TNXB: variants seen among roughly 807,000 people sequenced by gnomAD.
TNXB encodes the protein tenascin-X.
In TNXB, 183 loss-of-function variants were observed where a neutral mutation model predicts 340.5. The ratio of observed to expected loss-of-function variants is 0.54; its 90% CI spans 0.48 to 0.61. The LOEUF is 0.61. Ranked by LOEUF, TNXB falls within the 20% of genes least tolerant of loss-of-function variation. The pLI is 0.00. For synonymous variants in TNXB, 2,121 were observed against 2,314.5 expected, an observed-to-expected ratio of 0.92 and a Z score of 2.40; for missense variants, 4,613 against 5,446.4, an observed-to-expected ratio of 0.85 and a Z score of 4.82.
rs1299121253 is a variant in TNXB, at chr6:32,042,315, C to A, written c.12258G>T (p.Trp4086Cys). 6.6e-7 allele frequency: 1 copy of A among 1,509,636 alleles called. No individual in the cohort carries two copies. Among genetic ancestry groups the A allele is most frequent in the Non-Finnish European group, 9.1e-7 (1 of 1,096,034 alleles). 93.5% of individuals were successfully genotyped at this position (1,509,636 alleles called of 1,614,324 possible). A position where few individuals can be genotyped will look rare whatever the true frequency, so the allele number is the denominator to read the frequency against. Residue 4086 changes from tryptophan to cysteine, a missense_variant, in exon 41 of 44, where the codon TGG (tryptophan) becomes TGT (cysteine). Around this residue, in one of 7 missense-constraint regions of TNXB, gnomAD observed 121 missense variants for 177.4 expected, o/e 0.68. Transcript: ENST00000644971. The part of the protein sequence containing the change: ...MDGQTDFWRD[W>C]EDYAHGFGNI... ...TCCCAAAACCATGGGCATAGTCCTC[C>A]CAGTCCCTCCAGAAGTCTGTCTGTC... is the stretch of plus-strand genomic sequence containing the variant.
In TNXB at chr6:32,079,500, G is replaced by C. The variant is rs2269427; in HGVS notation, c.4043-135C>G. 7.8e-4 allele frequency: 592 copies of C among 759,984 alleles called. 7 individuals are homozygous for C. In the East Asian group the frequency reaches 0.015, roughly 20 times the overall value. 47.1% of individuals were successfully genotyped at this position (759,984 alleles called of 1,614,324 possible). ...TGTATTTGCCATTCGGTCACTCACG[G>C]ATGGAGAAGGCTGAGACAGCCCTTG... On this transcript the variant is annotated intron_variant, in intron 10 of 43. Coordinates refer to ENST00000644971, the MANE Select transcript of TNXB (RefSeq NM_001365276.2). This position sits in a 1 kb window ranked among gnomAD's most constrained non-coding sequence, Gnocchi z 7.1.
Position 32,087,824 on chromosome 6 carries a change from G to A in TNXB, c.2779+961C>T. ...GCCGTCAGGTTGCCCCAAGGCCGCC[G>A]TGGGGGCTGGGACAGGCTTGGCCTG... On this transcript the variant is annotated intron_variant, in intron 6 of 43. Coordinates refer to ENST00000644971, the MANE Select transcript of TNXB (RefSeq NM_001365276.2). This position sits in a 1 kb window ranked among gnomAD's most constrained non-coding sequence, Gnocchi z 9.0. 2.0e-6 allele frequency: 1 copy of A among 506,876 alleles called. No individual in the cohort carries two copies. The highest frequency in any genetic ancestry group is 3.9e-6 in the Non-Finnish European group (1 of 255,224). The allele number at this position is 506,876 out of a possible 1,614,324, so 31.4% of individuals were successfully genotyped here.
chr6:32,044,085 T>C lies in TNXB; in HGVS notation c.11308A>G (p.Thr3770Ala). Residue 3770 changes from threonine (T) to alanine (A), a missense_variant, in exon 34 of 44, where the codon ACC becomes GCC. Thr to Ala is a moderately conservative substitution (Grantham distance 58). Transcript: ENST00000644971. ...GGCATCCAGTTGACCTTGGCTGAGG[T>C]CTCCCTGATTTCACTGAATTGGAGG... is the stretch of plus-strand genomic sequence containing the variant. ...RDLQFSEIRE[T>A]SAKVNWMPPP... 1 of 1,482,710 alleles carries C rather than the reference T, an allele frequency of 6.7e-7. No homozygotes were observed. The highest frequency in any genetic ancestry group is 9.2e-7 in the Non-Finnish European group (1 of 1,089,394). 91.8% of individuals were successfully genotyped at this position (1,482,710 alleles called of 1,614,324 possible). A position where few individuals can be genotyped will look rare whatever the true frequency, so the allele number is the denominator to read the frequency against.
Position 32,097,787 on chromosome 6 carries a change from C to G in TNXB, c.403+9G>C. 6.7e-7 allele frequency: 1 copy of G among 1,500,860 alleles called. No individual in the cohort carries two copies. Among genetic ancestry groups the G allele is most frequent in the Non-Finnish European group, 8.9e-7 (1 of 1,124,200 alleles). 93.0% of individuals were successfully genotyped at this position (1,500,860 alleles called of 1,614,324 possible). ...ACCTCTCCACCCTCTTCTGTGATCA[C>G]CTGCTCACCTGTGCCAGCTTGGGCA... On this transcript the variant is annotated intron_variant, in intron 2 of 43. Transcript: ENST00000644971. The surrounding 1 kb of genome is among the most constrained non-coding windows in gnomAD (Gnocchi z 5.9).
intron 1 of TNXB, among the ~76,000 whole-genome samples, chr6:32,104,098 C>G (rs1454507607): frequency 2.0e-5 from 3 of 152,108 alleles, no homozygotes; most frequent in Non-Finnish European, 4.4e-5. Flanking sequence ...TGAGGCTCTG[C>G]AACACTTGAG....
At chr6:32,076,627 C>T (rs557834632) in intron 11 of TNXB, among the ~76,000 whole-genome samples, 3 of 152,182 alleles carry the variant, frequency 2.0e-5, no homozygotes, top group South Asian at 2.1e-4. Context: ...AGCTGGGCAG[C>T]GTTTACTCCC....
In TNXB at chr6:32,097,174, G is replaced by C; in HGVS notation, c.679C>G (p.Arg227Gly). 6.3e-7 allele frequency: 1 copy of C among 1,596,190 alleles called. No individual in the cohort carries two copies. Among genetic ancestry groups the C allele is most frequent in the Non-Finnish European group, 8.5e-7 (1 of 1,172,056 alleles). The change falls in exon 3 of 44, where the codon CGC becomes GGC. Residue 227 changes from arginine to glycine, a missense_variant. Physicochemically the swap from Arg to Gly is moderately radical, Grantham distance 125. Around this residue, in one of 7 missense-constraint regions of TNXB, gnomAD observed 4,327 missense variants for 4,859.4 expected, o/e 0.89. Coordinates refer to ENST00000644971, the MANE Select transcript of TNXB (RefSeq NM_001365276.2). The surrounding 1 kb of genome is among the most constrained non-coding windows in gnomAD (Gnocchi z 5.9). The part of the protein sequence containing the change: ...SCPGDCQGRG[R>G]CVQGVCVCRA... ...CACACACACACGCCCTGCACGCAGC[G>C]CCCACGGCCTTGGCAGTCCCCGGGA...
In TNXB at chr6:32,053,728, G is replaced by C. The variant is rs1777453383; in HGVS notation, c.8468-17C>G. ...CCTCTGGAGCTGGACAGACACGTGT[G>C]GGGAGAGTGAGGTCCCTGGGTTCTC... On this transcript the variant is annotated splice_polypyrimidine_tract_variant and intron_variant, in intron 24 of 43. Transcript: ENST00000644971. 1 of 1,604,982 alleles carries C rather than the reference G, an allele frequency of 6.2e-7. No homozygotes were observed. The highest frequency in any genetic ancestry group is 1.7e-5 in the Admixed American group (1 of 59,798).
chr6:32,062,061 T>C lies in TNXB; in HGVS notation c.7168+96A>G, dbSNP rs1778052084. On this transcript the variant is annotated intron_variant, in intron 20 of 43. Coordinates refer to ENST00000644971, the MANE Select transcript of TNXB (RefSeq NM_001365276.2). This position sits in a 1 kb window ranked among gnomAD's most constrained non-coding sequence, Gnocchi z 4.3. ...CCAGCCACAAGTAGGTCTGTGGTGCTGACCAGACCCGTCCCATTCCCCACC... is the reference window on the plus strand; with the variant it reads ...CCAGCCACAAGTAGGTCTGTGGTGCCGACCAGACCCGTCCCATTCCCCACC... 1 of 1,435,426 alleles carries C rather than the reference T, an allele frequency of 7.0e-7. No homozygotes were observed. The highest frequency in any genetic ancestry group is 1.4e-5 in the African/African-American group (1 of 70,742). 88.9% of individuals were successfully genotyped at this position (1,435,426 alleles called of 1,614,324 possible). A position where few individuals can be genotyped will look rare whatever the true frequency, so the allele number is the denominator to read the frequency against.
At position 32,082,087 on chromosome 6, in the gene TNXB, C is replaced by G; in HGVS notation, c.3685G>C (p.Gly1229Arg). 3.1e-6 allele frequency: 5 copies of G among 1,609,846 alleles called. No homozygotes were observed. Among genetic ancestry groups the G allele is most frequent in the Non-Finnish European group, 4.2e-6 (5 of 1,178,424 alleles). ...PDHKYRFTLF[G>R]IANKKRYGPL... ...CCATACCGCTTCTTGTTCGCAATTCCAAACAGAGTGAATCTGTACTTGTGG... is the reference window on the plus strand; with the variant it reads ...CCATACCGCTTCTTGTTCGCAATTCGAAACAGAGTGAATCTGTACTTGTGG... Residue 1229 changes from glycine to arginine, a missense_variant, in exon 9 of 44, where the codon GGA becomes CGA. Transcript: ENST00000644971. This position sits in a 1 kb window ranked among gnomAD's most constrained non-coding sequence, Gnocchi z 5.0.
intron 18 of TNXB, among the ~76,000 whole-genome samples, chr6:32,066,551 G>A (rs935917601): frequency 1.3e-5 from 2 of 152,182 alleles, no homozygotes; most frequent in African/African-American, 4.8e-5. Flanking sequence ...TATACGAAAT[G>A]TTCTGGAACA....
rs1179329735 is a variant in TNXB at position 32,070,190 on chromosome 6, A to G, written c.5215T>C (p.Phe1739Leu). ...TTGCCCAGGAGGCCATAGAGGAGGA[A>G]TCTGTACTTGCGGCCGGCATCCAGA... Reference protein sequence around the residue: ...TPLDAGRKYRFLLYGLLGKKR... With the variant: ...TPLDAGRKYRLLLYGLLGKKR... The change falls in exon 14 of 44, where the codon TTC (phenylalanine) becomes CTC (leucine). Residue 1739 changes from phenylalanine (F) to leucine (L), a missense_variant. Phe to Leu is a conservative substitution (Grantham distance 22, BLOSUM62 0). Around this residue, in one of 7 missense-constraint regions of TNXB, gnomAD observed 4,327 missense variants for 4,859.4 expected, o/e 0.89. Coordinates refer to ENST00000644971, the MANE Select transcript of TNXB (RefSeq NM_001365276.2). This position sits in a 1 kb window ranked among gnomAD's most constrained non-coding sequence, Gnocchi z 6.0. 2 of 1,611,280 alleles carry G rather than the reference A, an allele frequency of 1.2e-6. No homozygotes were observed. Among genetic ancestry groups the G allele is most frequent in the Admixed American group, 3.3e-5 (2 of 59,984 alleles).
chr6:32,076,720 G>A (rs996007120), intron 11 of TNXB, among the ~76,000 whole-genome samples: 5 of 152,216 alleles, frequency 3.3e-5, no homozygotes, highest in African/African-American at 4.8e-5. Flanking sequence ...GGTGCCTCAC[G>A]CCTGTAATCC....
At chr6:32,091,589 C>T (rs768700412) in intron 4 of TNXB, among the ~76,000 whole-genome samples, 5 of 151,964 alleles carry the variant, frequency 3.3e-5, no homozygotes, top group Non-Finnish European at 2.9e-5. Context: ...GGGATTCTTC[C>T]TTAGCCTCCC....
Position 32,085,468 on chromosome 6 carries a change from C to T in TNXB, c.3148+282G>A, listed in dbSNP as rs1030749758. Reference sequence around the variant, plus strand: ...AAAGCTGCAGGTGGAGGGCCAGGGACCTTCAGCCTCTCTCCTGGAATCTCT... The same window carrying T: ...AAAGCTGCAGGTGGAGGGCCAGGGATCTTCAGCCTCTCTCCTGGAATCTCT... On this transcript the variant is annotated intron_variant, in intron 7 of 43. Coordinates refer to ENST00000644971, the MANE Select transcript of TNXB (RefSeq NM_001365276.2). This position sits in a 1 kb window ranked among gnomAD's most constrained non-coding sequence, Gnocchi z 6.4. 6.6e-5 allele frequency among the ~76,000 whole-genome samples: 10 copies of T among 152,144 alleles called. No homozygotes were observed. The highest frequency in any genetic ancestry group is 1.0e-4 in the Non-Finnish European group (7 of 68,016).
Position 32,068,423 on chromosome 6 carries a change from G to A in TNXB, c.6187C>T (p.Arg2063Cys), listed in dbSNP as rs375148651. The A allele has an allele frequency of 3.7e-6, 6 of 1,613,808 alleles. No individual in the cohort carries two copies. The highest frequency in any genetic ancestry group is 2.2e-5 in the East Asian group (1 of 44,880). Residue 2063 changes from arginine (R) to cysteine (C), a missense_variant, in exon 17 of 44, where the codon CGC becomes TGC. Physicochemically the swap from Arg to Cys is radical, Grantham distance 180. Around this residue, in one of 7 missense-constraint regions of TNXB, gnomAD observed 4,327 missense variants for 4,859.4 expected, o/e 0.89. Coordinates refer to ENST00000644971, the MANE Select transcript of TNXB (RefSeq NM_001365276.2). This position sits in a 1 kb window ranked among gnomAD's most constrained non-coding sequence, Gnocchi z 5.3. ...CCGACGACAGACACAGGGCCCATGC[G>A]CTGGCCACCGTGGAAGCCGTACAGG... is the stretch of plus-strand genomic sequence containing the variant. ...MNLYGFHGGQRMGPVSVVGVT... is the reference protein window; with the variant it reads ...MNLYGFHGGQCMGPVSVVGVT...
intron 43 of TNXB, 47 bp from the exon 44 acceptor site, chr6:32,041,497 T>G: frequency 8.1e-7 from 1 of 1,230,344 alleles, no homozygotes; most frequent in Admixed American, 2.0e-5. Context: ...ATGTCCCATC[T>G]GCTCTTCCCG....
chr6:32,053,739 G>A (rs1777454103), intron 24 of TNXB, 28 bp from the exon 25 acceptor site: 3 of 1,600,558 alleles, frequency 1.9e-6, no homozygotes, highest in Non-Finnish European at 2.6e-6. Context: ...GGGAGAGTGA[G>A]GTCCCTGGGT....
Position 32,056,861 on chromosome 6 carries a change from G to A in TNXB, c.7868C>T (p.Pro2623Leu). The change falls in exon 23 of 44, where the codon CCT (proline) becomes CTT (leucine). Residue 2623 changes from proline to leucine, a missense_variant. Physicochemically the swap from Pro to Leu is moderately conservative, Grantham distance 98. Around this residue, in one of 7 missense-constraint regions of TNXB, gnomAD observed 4,327 missense variants for 4,859.4 expected, o/e 0.89. Coordinates refer to ENST00000644971, the MANE Select transcript of TNXB (RefSeq NM_001365276.2). ...CAGGCGAGGCTTGATGGGGGGCTCA[G>A]GGGTCATGGTAGGCACTGCTTGGGT... ...ETTQAVPTMT[P>L]EPPIKPRLGE... 6.2e-7 allele frequency: 1 copy of A among 1,612,874 alleles called. No individual in the cohort carries two copies. Among genetic ancestry groups the A allele is most frequent in the Non-Finnish European group, 8.5e-7 (1 of 1,179,768 alleles).
Sources: allele counts gnomAD v4.1 joint callset (sites outside exome capture counted in the v4.1 genomes callset), GRCh38; gene constraint gnomAD v4.1.1; regional missense constraint gnomAD v4.1.1; non-coding constraint Gnocchi (gnomAD v3.1); transcripts MANE v1.5; gene names NCBI Gene and HGNC (gene_info 2026-07-23, HGNC 2026-07-21).